JAM3: variants seen among roughly 807,000 people sequenced by gnomAD.
The protein encoded by JAM3 is junctional adhesion molecule C.
Under a neutral mutation model 39.4 loss-of-function variants are expected in JAM3, and 31 were observed. The ratio of observed to expected loss-of-function variants is 0.79; its 90% CI spans 0.59 to 1.06. The LOEUF (loss-of-function observed/expected upper bound fraction) is 1.06, where lower values mean the gene tolerates loss of function less well. JAM3 is among the 50% of genes least tolerant of loss of function. The pLI is 0.00. For synonymous variants in JAM3, 182 were observed against 148.7 expected, an observed-to-expected ratio of 1.22 and a Z score of -1.63; for missense variants, 455 against 391.4, an observed-to-expected ratio of 1.16 and a Z score of -1.37.
chr11:134,112,852 G>T (rs1198828677), intron 1 of JAM3, among the ~76,000 whole-genome samples: 1 of 152,294 alleles, frequency 6.6e-6, no homozygotes, highest in East Asian at 1.9e-4. Context: ...GAATGGAGAG[G>T]GGTAGAGCAT....
intron 1 of JAM3, among the ~76,000 whole-genome samples, chr11:134,112,476 T>C (rs1364149979): frequency 2.0e-5 from 3 of 152,202 alleles, no homozygotes; most frequent in Admixed American, 6.5e-5. Flanking sequence ...AACTACTATG[T>C]GTGTGTGTTC....
At chr11:134,121,502 T>G (rs548703537) in intron 1 of JAM3, among the ~76,000 whole-genome samples, 1 of 151,976 alleles carries the variant, frequency 6.6e-6, no homozygotes, top group Admixed American at 6.6e-5. Flanking sequence ...ATGTAAAACA[T>G]GTTTTGTTGT....
At chr11:134,073,451 A>G (rs1297885402) in intron 1 of JAM3, among the ~76,000 whole-genome samples, 1 of 152,192 alleles carries the variant, frequency 6.6e-6, no homozygotes, top group African/African-American at 2.4e-5. Flanking sequence ...TCTTCCTGAA[A>G]ATTATTGCCA....
chr11:134,069,359 C>T (rs1395206310), intron 1 of JAM3, among the ~76,000 whole-genome samples, 200 bp downstream of exon 1: 3 of 152,076 alleles, frequency 2.0e-5, no homozygotes, highest in African/African-American at 7.2e-5. Flanking sequence ...GGGCGGGGGC[C>T]CTGGGACGCC....
chr11:134,087,793 A>G (rs193135473), intron 1 of JAM3, among the ~76,000 whole-genome samples: 45 of 152,336 alleles, frequency 3.0e-4, no homozygotes, highest in African/African-American at 1.0e-3. Flanking sequence ...CTTAATTCGC[A>G]TGGACATATA....
chr11:134,115,396 A>G (rs1466943774), intron 1 of JAM3, among the ~76,000 whole-genome samples: 1 of 150,364 alleles, frequency 6.7e-6, no homozygotes, highest in African/African-American at 2.5e-5. Context: ...TTTCTCTTGC[A>G]TTTGTTTTCC....
chr11:134,124,300 A>T (rs1450623587), intron 1 of JAM3: 1 of 845,168 alleles, frequency 1.2e-6, no homozygotes, highest in East Asian at 2.4e-5. Flanking sequence ...TTCTCACAGG[A>T]AATCTCCACA....
At chr11:134,148,404 G>A in intron 6 of JAM3, 143 bp from the exon 7 acceptor site, 2 of 908,298 alleles carry the variant, frequency 2.2e-6, no homozygotes, top group East Asian at 2.4e-5. Flanking sequence ...GATTGTAAGT[G>A]TTCTCTCTTC....
chr11:134,105,378 C>G (rs1277549813), intron 1 of JAM3, among the ~76,000 whole-genome samples: 1 of 152,122 alleles, frequency 6.6e-6, no homozygotes, highest in Non-Finnish European at 1.5e-5. Context: ...TTATTTATGA[C>G]AAACCCACAG....
At chr11:134,129,931 G>A (rs865981009) in intron 1 of JAM3, among the ~76,000 whole-genome samples, 13 of 152,238 alleles carry the variant, frequency 8.5e-5, no homozygotes, top group Middle Eastern at 3.4e-3. Flanking sequence ...AAACATGGGA[G>A]GCGGAAGTTG....
At chr11:134,144,764 C>T in intron 4 of JAM3, 28 bp from the exon 5 acceptor site, 1 of 1,568,334 alleles carries the variant, frequency 6.4e-7, no homozygotes, top group Non-Finnish European at 8.6e-7. Flanking sequence ...TCACTGAGAT[C>T]TTAAACACCA....
In JAM3 at chr11:134,107,179, G is replaced by C. The variant is rs565335548; in HGVS notation, c.77-32672G>C. 3.9e-5 allele frequency among the ~76,000 whole-genome samples: 6 copies of C among 152,308 alleles called. No homozygotes were observed. The East Asian group carries it at 7.7e-4, about 20-fold the overall frequency. ...AAAAAATGATGAGTTCATGTCCTTTGTCGGGATATGGATGAAGCTGGAAAC... is the reference window on the plus strand; with the variant it reads ...AAAAAATGATGAGTTCATGTCCTTTCTCGGGATATGGATGAAGCTGGAAAC... On this transcript the variant is annotated intron_variant, in intron 1 of 8. Transcript: ENST00000299106.
intron 1 of JAM3, among the ~76,000 whole-genome samples, chr11:134,122,105 A>G (rs891630292): frequency 1.3e-5 from 2 of 152,228 alleles, no homozygotes; most frequent in African/African-American, 4.8e-5. Context: ...ATGGGAGAAG[A>G]GAGAATCTAC....
chr11:134,138,148 G>C (rs1234136743), intron 1 of JAM3, among the ~76,000 whole-genome samples: 4 of 100,676 alleles, frequency 4.0e-5, no homozygotes, highest in East Asian at 6.6e-4. Context: ...TTTATGGCCA[G>C]TAGTCCCTTA....
intron 1 of JAM3, among the ~76,000 whole-genome samples, chr11:134,105,736 C>T (rs1942171347): frequency 6.6e-6 from 1 of 152,076 alleles, no homozygotes; most frequent in South Asian, 2.1e-4. Context: ...CATGAGTGAA[C>T]TCCCATTCGC....
intron 1 of JAM3, among the ~76,000 whole-genome samples, chr11:134,087,618 C>A (rs1941767253): frequency 6.6e-6 from 1 of 152,196 alleles, no homozygotes; most frequent in Non-Finnish European, 1.5e-5. Flanking sequence ...TGGTGTTAGA[C>A]TTCTCTGGAA....
chr11:134,088,300 C>A (rs540098599), intron 1 of JAM3, among the ~76,000 whole-genome samples: 72 of 152,330 alleles, frequency 4.7e-4, no homozygotes, highest in African/African-American at 1.6e-3. Context: ...TACCCACTTG[C>A]TTCCATTTTA....
intron 1 of JAM3, among the ~76,000 whole-genome samples, chr11:134,120,721 T>A (rs1468585324): frequency 6.6e-6 from 1 of 152,108 alleles, no homozygotes; most frequent in Non-Finnish European, 1.5e-5. Context: ...GGAGTTCAGT[T>A]TTTCATGGAC....
chr11:134,105,029 C>T (rs1942155276), intron 1 of JAM3, among the ~76,000 whole-genome samples: 1 of 152,066 alleles, frequency 6.6e-6, no homozygotes, highest in Non-Finnish European at 1.5e-5. Context: ...ATCGTGATAC[C>T]AAAGCCTGGC....
Sources: gnomAD v4.1 joint callset for allele counts (sites outside exome capture counted in the v4.1 genomes callset) on GRCh38, gnomAD v4.1.1 for gene constraint, MANE v1.5 for transcripts, NCBI Gene and HGNC (gene_info 2026-07-23, HGNC 2026-07-21) for gene names.